The following ADAMTS2 variants were observed in gnomAD, a reference collection of about 807,000 sequenced individuals.
The protein encoded by ADAMTS2 is A disintegrin and metalloproteinase with thrombospondin motifs 2.
ADAMTS2 carries 50 observed loss-of-function variants against 123.0 expected under a neutral mutation model. The ratio of observed to expected loss-of-function variants is 0.41; its 90% CI spans 0.32 to 0.51. The LOEUF is 0.51. ADAMTS2 is among the 20% of genes least tolerant of loss of function. ADAMTS2 has a pLI of 0.35. For synonymous variants in ADAMTS2, 678 were observed against 695.4 expected (o/e 0.98, Z 0.39); for missense variants, 1,494 against 1,705.2 (o/e 0.88, Z 2.18).
chr5:179,240,614 G>C (rs577203846), intron 3 of ADAMTS2, among the ~76,000 whole-genome samples: 1 of 152,174 alleles, frequency 6.6e-6, no homozygotes, highest in Non-Finnish European at 1.5e-5. Context: ...AAATCCAGTG[G>C]GGAGTCCTTT....
chr5:179,148,949 C>A (rs532803313), intron 10 of ADAMTS2, among the ~76,000 whole-genome samples: 1 of 67,670 alleles, frequency 1.5e-5, no homozygotes, highest in East Asian at 4.6e-4. Flanking sequence ...CCTGGGGGGT[C>A]CTAGCCATCT....
chr5:179,191,044 G>A (rs566106332), intron 4 of ADAMTS2, among the ~76,000 whole-genome samples: 59 of 152,380 alleles, frequency 3.9e-4, no homozygotes, highest in African/African-American at 9.1e-4. Flanking sequence ...CCCGCTGACC[G>A]GATGCCTCAT....
chr5:179,229,503 C>T (rs181623694), intron 3 of ADAMTS2, among the ~76,000 whole-genome samples: 2 of 151,806 alleles, frequency 1.3e-5, no homozygotes, highest in Non-Finnish European at 2.9e-5. Context: ...TGCCCATTCC[C>T]GACGGAGAGG....
At chr5:179,246,337 C>T (rs1765800981) in intron 3 of ADAMTS2, among the ~76,000 whole-genome samples, 1 of 152,134 alleles carries the variant, frequency 6.6e-6, no homozygotes, top group Non-Finnish European at 1.5e-5. Flanking sequence ...CTCGGAGCTT[C>T]CCCAGGACTG....
At chr5:179,119,572 C>T (rs1561764795) in intron 21 of ADAMTS2, among the ~76,000 whole-genome samples, 1 of 152,204 alleles carries the variant, frequency 6.6e-6, no homozygotes, top group African/African-American at 2.4e-5. Context: ...CTGGGAAGAC[C>T]TTGGAAGACA....
intron 4 of ADAMTS2, among the ~76,000 whole-genome samples, chr5:179,203,691 C>T (rs919187565): frequency 1.3e-5 from 2 of 151,642 alleles, no homozygotes; most frequent in Non-Finnish European, 2.9e-5. Context: ...GGGTGGCTAC[C>T]GTAAAAAAGA....
At position 179,114,079 on chromosome 5, in the gene ADAMTS2, C is replaced by A; in HGVS notation, c.3424G>T (p.Val1142Phe). The change falls in exon 22 of 22, where the codon GTC becomes TTC. Residue 1142 changes from valine to phenylalanine, a missense_variant. Coordinates refer to ENST00000251582, the MANE Select transcript of ADAMTS2 (RefSeq NM_014244.5). Reference sequence around the variant, plus strand: ...TTGGTGCTGGAGGCATTGAGAGGGACCTCCAGGGGGGTGCTTGGTGATGGC... The same window carrying A: ...TTGGTGCTGGAGGCATTGAGAGGGAACTCCAGGGGGGTGCTTGGTGATGGC... ...VRPSPSTPLEVPLNASSTNAT... is the reference protein window; with the variant it reads ...VRPSPSTPLEFPLNASSTNAT... 1 of 1,614,092 alleles carries A rather than the reference C, an allele frequency of 6.2e-7. No homozygotes were observed. The highest frequency in any genetic ancestry group is 8.5e-7 in the Non-Finnish European group (1 of 1,180,024).
rs549993484 is a variant in ADAMTS2, at chr5:179,315,416, T to C, written c.534+28351A>G. 7.9e-5 allele frequency among the ~76,000 whole-genome samples: 12 copies of C among 152,368 alleles called. 1 individual carries two copies. The East Asian group carries it at 9.7e-4, about 12-fold the overall frequency. On this transcript the variant is annotated intron_variant, in intron 2 of 21. Transcript: ENST00000251582. The stretch of plus-strand genomic sequence containing the variant: ...CCCAAAGGGGGTTTGTTTCCCACCA[T>C]TGGGAGCCAGGATCCCAGGTCAGGA...
chr5:179,288,813 C>A (rs982340455), intron 2 of ADAMTS2, among the ~76,000 whole-genome samples: 1 of 152,228 alleles, frequency 6.6e-6, no homozygotes, highest in Non-Finnish European at 1.5e-5. Flanking sequence ...TCCTGGTCCT[C>A]ACAAGGGACA....
At chr5:179,328,591 T>C (rs1208890974) in intron 2 of ADAMTS2, among the ~76,000 whole-genome samples, 1 of 152,244 alleles carries the variant, frequency 6.6e-6, no homozygotes, top group Non-Finnish European at 1.5e-5. Context: ...AATGTGTCAT[T>C]TTTAACTCTG....
chr5:179,237,355 G>A (rs898703715), intron 3 of ADAMTS2, among the ~76,000 whole-genome samples: 7 of 152,214 alleles, frequency 4.6e-5, no homozygotes, highest in Admixed American at 2.0e-4. Flanking sequence ...CAAAGTGCAA[G>A]AAGGTGCCAT....
intron 13 of ADAMTS2, among the ~76,000 whole-genome samples, chr5:179,134,605 C>T (rs1187432984): frequency 6.6e-6 from 1 of 152,242 alleles, no homozygotes; most frequent in African/African-American, 2.4e-5. Context: ...AGAGCAGACA[C>T]CACCTGTTCT....
In ADAMTS2 at chr5:179,158,941, C is replaced by T. The variant is rs1763540244; in HGVS notation, c.976-62G>A. The T allele has an allele frequency of 8.2e-6, 13 of 1,586,628 alleles. No individual in the cohort carries two copies. The highest frequency in any genetic ancestry group is 3.6e-5 in the Admixed American group (2 of 56,312). On this transcript the variant is annotated intron_variant, in intron 5 of 21. Transcript: ENST00000251582. This position sits in a 1 kb window ranked among gnomAD's most constrained non-coding sequence, Gnocchi z 5.0. Reference sequence around the variant, plus strand: ...GGCGCCTGGTGGCCCAGTGGGGGGCCGAGCAGGCTGTAGTGTTGACAGACC... The same window carrying T: ...GGCGCCTGGTGGCCCAGTGGGGGGCTGAGCAGGCTGTAGTGTTGACAGACC...
chr5:179,178,591 A>T (rs1243126734), intron 5 of ADAMTS2, among the ~76,000 whole-genome samples: 1 of 152,170 alleles, frequency 6.6e-6, no homozygotes, highest in Non-Finnish European at 1.5e-5. Flanking sequence ...ACTCTTTCTG[A>T]TCTTTTAGTT....
chr5:179,344,238 C>A (rs990225342), intron 1 of ADAMTS2, 77 bp from the exon 2 acceptor site: 2 of 1,497,346 alleles, frequency 1.3e-6, no homozygotes, highest in Admixed American at 2.0e-5. Flanking sequence ...CAAGCCACGC[C>A]CCCCCAGACC....
intron 4 of ADAMTS2, among the ~76,000 whole-genome samples, chr5:179,186,766 G>A (rs1280233646): frequency 1.8e-5 from 1 of 54,626 alleles, no homozygotes; most frequent in East Asian, 4.2e-4. Flanking sequence ...CTCCTCCCCC[G>A]GCCCCACCCA....
intron 3 of ADAMTS2, among the ~76,000 whole-genome samples, chr5:179,220,365 C>T (rs755122411): frequency 5.3e-5 from 8 of 152,216 alleles, no homozygotes; most frequent in Non-Finnish European, 8.8e-5. Context: ...AGATGACAGG[C>T]GGAAAATCCC....
chr5:179,181,206 T>C lies in ADAMTS2; in HGVS notation c.892-51A>G. On this transcript the variant is annotated intron_variant, in intron 4 of 21. Transcript: ENST00000251582. This position sits in a 1 kb window ranked among gnomAD's most constrained non-coding sequence, Gnocchi z 4.1. The stretch of plus-strand genomic sequence containing the variant: ...GGGAACCACAGGCCCTAGGACTGGC[T>C]CTGGCTCTGCCAATGGGATGACCCC... The C allele has an allele frequency of 7.3e-7, 1 of 1,371,364 alleles. No individual in the cohort carries two copies. Among genetic ancestry groups the C allele is most frequent in the Non-Finnish European group, 1.0e-6 (1 of 959,848 alleles). The allele number at this position is 1,371,364 out of a possible 1,614,324, so 84.9% of individuals were successfully genotyped here. A position where few individuals can be genotyped will look rare whatever the true frequency, so the allele number is the denominator to read the frequency against.
chr5:179,139,807 T>A, intron 11 of ADAMTS2, 83 bp downstream of exon 11: 1 of 1,592,266 alleles, frequency 6.3e-7, no homozygotes, highest in South Asian at 1.1e-5. Flanking sequence ...CACAGGGCCC[T>A]CCAGGACAGG....
Sources: allele counts gnomAD v4.1 joint callset (sites outside exome capture counted in the v4.1 genomes callset), GRCh38; gene constraint gnomAD v4.1.1; non-coding constraint Gnocchi (gnomAD v3.1); transcripts MANE v1.5; gene names NCBI Gene and HGNC (gene_info 2026-07-23, HGNC 2026-07-21).